XRN1: variants seen among roughly 807,000 people sequenced by gnomAD.
The protein encoded by XRN1 is strand-exchange protein 1 homolog.
XRN1 carries 67 observed loss-of-function variants against 222.3 expected under a neutral mutation model. The ratio of observed to expected loss-of-function variants is 0.30; its 90% CI spans 0.25 to 0.37. The LOEUF is 0.37. Among genes scored for constraint, XRN1 ranks in the 10% least tolerant of loss-of-function variants. XRN1 has a pLI of 1.00. For synonymous variants in XRN1, 643 were observed against 652.4 expected (o/e 0.99, Z 0.22); for missense variants, 1,707 against 2,000.2 (o/e 0.85, Z 2.80).
At position 142,385,886 on chromosome 3, in the gene XRN1, C is replaced by T. The variant is rs1348822274; in HGVS notation, c.2340-1201G>A. Among the ~76,000 whole-genome samples, 5 of 151,828 alleles carry T rather than the reference C, an allele frequency of 3.3e-5. No homozygotes were observed. In the East Asian group the frequency reaches 5.8e-4, roughly 18 times the overall value. On this transcript the variant is annotated intron_variant, in intron 20 of 40. Transcript: ENST00000392981. ...CCGTATTACTACTCAGTCCATCTAC[C>T]GAGCTCACTTTACCAATCACACTTT...
intron 2 of XRN1, among the ~76,000 whole-genome samples, chr3:142,429,440 G>A (rs969436314): frequency 6.6e-6 from 1 of 152,060 alleles, no homozygotes; most frequent in African/African-American, 2.4e-5. Context: ...GAGCCACCAC[G>A]CCCGGCCTGG....
chr3:142,364,250 A>T (rs1023587298), intron 29 of XRN1, among the ~76,000 whole-genome samples: 1 of 152,202 alleles, frequency 6.6e-6, no homozygotes. Context: ...TAGTGAGACC[A>T]AGAGGTTCGG....
At chr3:142,398,116 A>G (rs2067995840) in intron 19 of XRN1, among the ~76,000 whole-genome samples, 1 of 151,988 alleles carries the variant, frequency 6.6e-6, no homozygotes, top group Non-Finnish European at 1.5e-5. Context: ...ATGGTAACAC[A>G]TATCTGTAGT....
At chr3:142,345,864 T>C (rs1007730198) in intron 33 of XRN1, among the ~76,000 whole-genome samples, 7 of 152,198 alleles carry the variant, frequency 4.6e-5, no homozygotes, top group African/African-American at 7.2e-5. Context: ...AGGACGACTA[T>C]TGTCAAAGAG....
chr3:142,314,163 A>G (rs757557538), intron 39 of XRN1, among the ~76,000 whole-genome samples: 1 of 152,232 alleles, frequency 6.6e-6, no homozygotes, highest in Non-Finnish European at 1.5e-5. Flanking sequence ...AAATAACTTT[A>G]AAATGTTAAT....
chr3:142,376,199 TAAC>T (rs1399012176), intron 24 of XRN1: 11 of 660,596 alleles, frequency 1.7e-5, no homozygotes, highest in Non-Finnish European at 2.3e-5. Flanking sequence ...GAAAATGAAA[TAAC>T]AAGATGCAAG....
chr3:142,366,690 G>C (rs1343417975), intron 27 of XRN1, among the ~76,000 whole-genome samples: 1 of 152,092 alleles, frequency 6.6e-6, no homozygotes, highest in African/African-American at 2.4e-5. Flanking sequence ...AAGTATCTAT[G>C]CCCACAGCCG....
At chr3:142,337,233 C>T (rs1325469893) in intron 33 of XRN1, among the ~76,000 whole-genome samples, 1 of 152,134 alleles carries the variant, frequency 6.6e-6, no homozygotes, top group Non-Finnish European at 1.5e-5. Context: ...CTCAGAAAGG[C>T]CTTTCTTGTA....
At chr3:142,375,977 C>T (rs1228288978) in intron 24 of XRN1, 33 bp from the exon 25 acceptor site, 4 of 1,330,478 alleles carry the variant, frequency 3.0e-6, no homozygotes, top group Admixed American at 2.5e-5. Flanking sequence ...CACACGTGCA[C>T]ACACACACAC....
intron 1 of XRN1, among the ~76,000 whole-genome samples, chr3:142,440,483 A>G (rs543209879): frequency 1.6e-3 from 246 of 152,094 alleles, no homozygotes; most frequent in Non-Finnish European, 2.7e-3. Flanking sequence ...ATCCTGGTCA[A>G]GTTAAACTAA....
In XRN1 at chr3:142,412,639, G is replaced by A. The variant is rs2068628824; in HGVS notation, c.1618C>T (p.Pro540Ser). 3 of 1,600,120 alleles carry A rather than the reference G, an allele frequency of 1.9e-6. No individual in the cohort carries two copies. Among genetic ancestry groups the A allele is most frequent in the East Asian group, 2.2e-5 (1 of 44,664 alleles). ...YQHLMTNEDS[P>S]IIEYYPPDFK... Reference sequence around the variant, plus strand: ...TCAGGTGGGTAATATTCTATAATTGGTGAGTCTTCATTGGTCATCAAATGC... The same window carrying A: ...TCAGGTGGGTAATATTCTATAATTGATGAGTCTTCATTGGTCATCAAATGC... The change falls in exon 15 of 41, where the codon CCA becomes TCA. Residue 540 changes from proline to serine, a missense_variant. Pro to Ser is a moderately conservative substitution (Grantham distance 74). Coordinates refer to ENST00000392981, the MANE Select transcript of XRN1 (RefSeq NM_001282857.2).
chr3:142,340,070 T>C (rs1187660736), intron 33 of XRN1, among the ~76,000 whole-genome samples: 1 of 152,008 alleles, frequency 6.6e-6, no homozygotes, highest in Non-Finnish European at 1.5e-5. Context: ...TTTGAAAATA[T>C]ATAGGCTGGG....
Position 142,425,394 on chromosome 3 carries a change from T to G in XRN1, c.516+35A>C, listed in dbSNP as rs368265447. The G allele has an allele frequency of 3.0e-5, 47 of 1,579,386 alleles. No homozygotes were observed. The African/African-American group carries it at 6.1e-4, about 20-fold the overall frequency. ...TATATGCTTGAGAATATTAAATACT[T>G]TTTTTAAACTCTTTAAATAAAAAAA... is the stretch of plus-strand genomic sequence containing the variant. On this transcript the variant is annotated intron_variant, in intron 4 of 40. Transcript: ENST00000392981.
At chr3:142,396,618 T>A (rs1313298979) in intron 20 of XRN1, among the ~76,000 whole-genome samples, 1 of 152,338 alleles carries the variant, frequency 6.6e-6, no homozygotes, top group South Asian at 2.1e-4. Flanking sequence ...TATTCATCTT[T>A]GAATAAGGAT....
chr3:142,407,149 T>A (rs1308781874), intron 15 of XRN1, among the ~76,000 whole-genome samples: 1 of 152,222 alleles, frequency 6.6e-6, no homozygotes, highest in Non-Finnish European at 1.5e-5. Flanking sequence ...TTTCATCAGC[T>A]GCAGTCAGTG....
chr3:142,434,772 A>C (rs1375888329), intron 1 of XRN1, among the ~76,000 whole-genome samples: 1 of 152,026 alleles, frequency 6.6e-6, no homozygotes, highest in Non-Finnish European at 1.5e-5. Context: ...AAAACAAACA[A>C]ACAAAAAGAA....
intron 33 of XRN1, among the ~76,000 whole-genome samples, chr3:142,340,153 C>T (rs1344328066): frequency 3.3e-5 from 5 of 151,956 alleles, no homozygotes; most frequent in South Asian, 2.1e-4. Context: ...GTCGGGAGTT[C>T]GAGACCAGCC....
intron 10 of XRN1, among the ~76,000 whole-genome samples, chr3:142,419,445 G>A (rs763307616): frequency 1.3e-5 from 2 of 152,156 alleles, no homozygotes; most frequent in Non-Finnish European, 1.5e-5. Context: ...AAGGACAGTT[G>A]CCCCTCCTGG....
At chr3:142,355,306 G>A (rs1046026224) in intron 32 of XRN1, 95 bp downstream of exon 32, 1 of 569,840 alleles carries the variant, frequency 1.8e-6, no homozygotes, top group African/African-American at 2.0e-5. Flanking sequence ...TATTTTATGA[G>A]ATGTCACAGA....
Sources: allele counts gnomAD v4.1 joint callset (sites outside exome capture counted in the v4.1 genomes callset), GRCh38; gene constraint gnomAD v4.1.1; transcripts MANE v1.5; gene names NCBI Gene and HGNC (gene_info 2026-07-23, HGNC 2026-07-21).